Variants in FBXO42 observed in about 807,000 individuals in gnomAD.
The protein encoded by FBXO42 is F-box protein 42.
FBXO42 carries 12 observed loss-of-function variants against 71.7 expected under a neutral mutation model. The observed-to-expected ratio is 0.17, with a 90% CI of 0.11 to 0.27. The LOEUF (loss-of-function observed/expected upper bound fraction) is 0.27, where lower values mean the gene tolerates loss of function less well. FBXO42 is among the 10% of genes least tolerant of loss of function. The probability of loss-of-function intolerance (pLI) is 1.00; values close to 1 mark genes in which losing one functional copy is unlikely to be tolerated. For missense variants in FBXO42, 707 were observed against 911.9 expected (o/e 0.78, Z 2.89); for synonymous variants, 325 against 327.5 (o/e 0.99, Z 0.08).
chr1:16,308,418 G>A (rs757056183), intron 2 of FBXO42, among the ~76,000 whole-genome samples: 24 of 152,068 alleles, frequency 1.6e-4, no homozygotes, highest in Non-Finnish European at 1.5e-4. Context: ...AGGAGTTCGA[G>A]GCTGTAGTGC....
intron 1 of FBXO42, among the ~76,000 whole-genome samples, chr1:16,321,345 T>C (rs1164544590): frequency 6.6e-6 from 1 of 152,200 alleles, no homozygotes; most frequent in African/African-American, 2.4e-5. Context: ...GATTAGGTAA[T>C]AAAATCATCA....
chr1:16,252,228 A>T lies in FBXO42; in HGVS notation c.1038+60T>A. 7.9e-7 allele frequency: 1 copy of T among 1,262,032 alleles called. No individual in the cohort carries two copies. The highest frequency in any genetic ancestry group is 1.2e-6 in the Non-Finnish European group (1 of 867,822). 78.2% of individuals were successfully genotyped at this position (1,262,032 alleles called of 1,614,324 possible). A position where few individuals can be genotyped will look rare whatever the true frequency, so the allele number is the denominator to read the frequency against. On this transcript the variant is annotated intron_variant, in intron 9 of 9. Coordinates refer to ENST00000375592, the MANE Select transcript of FBXO42 (RefSeq NM_018994.3). This position sits in a 1 kb window ranked among gnomAD's most constrained non-coding sequence, Gnocchi z 4.4. ...AAATTTCTTTGTAACCTGACAAAGT[A>T]ATGTGGTTTTCCACAATTTAGGACC...
At chr1:16,275,846 T>C (rs2081895047) in intron 4 of FBXO42, among the ~76,000 whole-genome samples, 1 of 151,050 alleles carries the variant, frequency 6.6e-6, no homozygotes, top group African/African-American at 2.4e-5. Flanking sequence ...CCGTCTCTAC[T>C]AAAAAAATTA....
chr1:16,315,058 G>T, intron 2 of FBXO42, 111 bp downstream of exon 2: 1 of 1,239,896 alleles, frequency 8.1e-7, no homozygotes, highest in Non-Finnish European at 1.1e-6. Context: ...TCTAATGCTA[G>T]ATTTTATAAC....
At chr1:16,326,366 T>C (rs535413361) in intron 1 of FBXO42, among the ~76,000 whole-genome samples, 1 of 151,134 alleles carries the variant, frequency 6.6e-6, no homozygotes, top group South Asian at 2.1e-4. Flanking sequence ...TCTTTATTGT[T>C]AATACAACTA....
intron 1 of FBXO42, among the ~76,000 whole-genome samples, chr1:16,341,972 C>CAAA (rs56035222): frequency 3.0e-5 from 3 of 99,890 alleles, no homozygotes; most frequent in Non-Finnish European, 6.1e-5. Context: ...ATTCCGTCTC[C>CAAA]AAAAAAAAAA....
At chr1:16,311,498 AAAAAAATATATAT>A (rs1176922617) in intron 2 of FBXO42, among the ~76,000 whole-genome samples, 12 of 94,154 alleles carry the variant, frequency 1.3e-4, no homozygotes, top group African/African-American at 2.8e-4. Flanking sequence ...AAAAAAAAAA[AAAAAAATATATAT>A]ATATATATAT....
Position 16,251,376 on chromosome 1 carries a change from G to C in FBXO42, c.1448C>G (p.Ala483Gly). 1 of 1,614,150 alleles carries C rather than the reference G, an allele frequency of 6.2e-7. No individual in the cohort carries two copies. Among genetic ancestry groups the C allele is most frequent in the Non-Finnish European group, 8.5e-7 (1 of 1,180,030 alleles). ...GYDLKIGLSL[A>G]PRRGSLPDQK... ...ATCTGGTAGTGATCCTCGTCGGGGG[G>C]CCAAAGAAAGTCCTATTTTCAGGTC... Residue 483 changes from alanine (A) to glycine (G), a missense_variant, in exon 10 of 10, where the codon GCC becomes GGC. Coordinates refer to ENST00000375592, the MANE Select transcript of FBXO42 (RefSeq NM_018994.3). This position sits in a 1 kb window ranked among gnomAD's most constrained non-coding sequence, Gnocchi z 4.5.
At chr1:16,295,590 A>G (rs1264496512) in intron 3 of FBXO42, among the ~76,000 whole-genome samples, 1 of 151,950 alleles carries the variant, frequency 6.6e-6, no homozygotes, top group African/African-American at 2.4e-5. Context: ...ATGGAGTTTC[A>G]CCATGTTGGC....
intron 4 of FBXO42, among the ~76,000 whole-genome samples, chr1:16,258,634 G>A (rs1250583636): frequency 6.6e-6 from 1 of 152,146 alleles, no homozygotes; most frequent in Non-Finnish European, 1.5e-5. Flanking sequence ...TAGGATTACA[G>A]GTGTAAGCCA....
At chr1:16,285,974 C>T (rs2082017760) in intron 4 of FBXO42, among the ~76,000 whole-genome samples, 1 of 152,084 alleles carries the variant, frequency 6.6e-6, no homozygotes, top group Admixed American at 6.6e-5. Context: ...CTCAGGTGAT[C>T]CTCTCCCCTC....
chr1:16,286,553 G>A (rs958916728), intron 4 of FBXO42, among the ~76,000 whole-genome samples: 1 of 152,094 alleles, frequency 6.6e-6, no homozygotes, highest in Non-Finnish European at 1.5e-5. Context: ...GGGATTATGA[G>A]GATTACAATT....
intron 1 of FBXO42, among the ~76,000 whole-genome samples, chr1:16,351,075 T>A (rs920764996): frequency 6.6e-6 from 1 of 152,196 alleles, no homozygotes; most frequent in African/African-American, 2.4e-5. Context: ...ATGATGGTAC[T>A]TCCCCCAAAT....
chr1:16,320,081 C>A (rs775642496), intron 1 of FBXO42, among the ~76,000 whole-genome samples: 1 of 151,908 alleles, frequency 6.6e-6, no homozygotes, highest in African/African-American at 2.4e-5. Context: ...GTACAGTCGC[C>A]GAGCATGGTG....
chr1:16,344,828 G>T (rs2082641727), intron 1 of FBXO42, among the ~76,000 whole-genome samples: 2 of 152,142 alleles, frequency 1.3e-5, no homozygotes, highest in Non-Finnish European at 2.9e-5. Flanking sequence ...GCCGGGCGTG[G>T]TGGCTCACAC....
At chr1:16,347,774 G>A (rs769338733) in intron 1 of FBXO42, among the ~76,000 whole-genome samples, 2 of 152,102 alleles carry the variant, frequency 1.3e-5, no homozygotes, top group African/African-American at 4.8e-5. Flanking sequence ...CAGATCACGA[G>A]GTCTGGAAAT....
At position 16,352,400 on chromosome 1, in the gene FBXO42, G is replaced by T. The variant is rs1011689685; in HGVS notation, c.-163C>A. 2 of 399,710 alleles carry T rather than the reference G, an allele frequency of 5.0e-6. No homozygotes were observed. The highest frequency in any genetic ancestry group is 8.8e-6 in the Non-Finnish European group (2 of 227,184). The allele number at this position is 399,710 out of a possible 1,614,324, so 24.8% of individuals were successfully genotyped here. A position where few individuals can be genotyped will look rare whatever the true frequency, so the allele number is the denominator to read the frequency against. ...CTCACAGCTGGCGGGACCCCGAGCC[G>T]CCCGGAGCCGCCATCTTCCTCCACT... On this transcript the variant is annotated 5_prime_UTR_variant, in exon 1 of 10. Transcript: ENST00000375592.
chr1:16,333,167 A>G (rs2082518032), intron 1 of FBXO42, among the ~76,000 whole-genome samples: 1 of 152,114 alleles, frequency 6.6e-6, no homozygotes, highest in African/African-American at 2.4e-5. Flanking sequence ...CATTTTGTAC[A>G]GTATCTTCAT....
chr1:16,294,714 A>T, intron 4 of FBXO42, 69 bp downstream of exon 4: 1 of 1,544,986 alleles, frequency 6.5e-7, no homozygotes, highest in Non-Finnish European at 8.8e-7. Flanking sequence ...ACCAAAAATG[A>T]TCAGGTAGAG....
Sources: allele counts gnomAD v4.1 joint callset (sites outside exome capture counted in the v4.1 genomes callset), GRCh38; gene constraint gnomAD v4.1.1; non-coding constraint Gnocchi (gnomAD v3.1); transcripts MANE v1.5; gene names NCBI Gene and HGNC (gene_info 2026-07-23, HGNC 2026-07-21).